Variants in OPCML observed in about 807,000 individuals in gnomAD.
The protein encoded by OPCML is opioid binding protein/cell adhesion molecule like.
Under a neutral mutation model 37.8 loss-of-function variants are expected in OPCML, and 13 were observed. The observed-to-expected ratio is 0.34, with a 90% confidence interval of 0.22 to 0.55. The LOEUF (loss-of-function observed/expected upper bound fraction) is 0.55, where lower values mean the gene tolerates loss of function less well. Among genes scored for constraint, OPCML ranks in the 20% least tolerant of loss-of-function variants. OPCML has a pLI of 0.91. For missense variants in OPCML, 341 were observed against 435.6 expected (o/e 0.78, Z 1.93); for synonymous variants, 176 against 168.8 (o/e 1.04, Z -0.33).
intron 3 of OPCML, among the ~76,000 whole-genome samples, chr11:132,566,048 T>TA (rs568988694): frequency 1.9e-4 from 29 of 151,716 alleles, no homozygotes; most frequent in East Asian, 5.8e-4. Context: ...CAGAACAAAA[T>TA]AAAAAAAACC....
rs1004710069 is a variant in OPCML at position 133,196,283 on chromosome 11, G to T, written c.62-253273C>A. Among the ~76,000 whole-genome samples, 4 of 152,196 alleles carry T rather than the reference G, an allele frequency of 2.6e-5. No individual in the cohort carries two copies. The South Asian group carries it at 8.3e-4, about 31-fold the overall frequency. ...TGTTATTAGTGGATTTCTCAAACAC[G>T]TTGGTGATTTTAATGTCAGTTTAAT... On this transcript the variant is annotated intron_variant, in intron 1 of 7. Coordinates refer to ENST00000524381, the MANE Select transcript of OPCML (RefSeq NM_001012393.5).
chr11:133,355,296 C>G (rs1455461678), intron 1 of OPCML, among the ~76,000 whole-genome samples: 2 of 152,192 alleles, frequency 1.3e-5, no homozygotes, highest in Non-Finnish European at 2.9e-5. Context: ...CCTAGCACTT[C>G]CTGTTTCTCA....
chr11:133,214,548 T>C (rs986647478), intron 1 of OPCML, among the ~76,000 whole-genome samples: 10 of 152,238 alleles, frequency 6.6e-5, no homozygotes, highest in African/African-American at 2.4e-4. Flanking sequence ...TTTTTCAGAC[T>C]GGTATTTTAA....
At chr11:133,039,259 G>T (rs886434329) in intron 1 of OPCML, among the ~76,000 whole-genome samples, 1 of 152,174 alleles carries the variant, frequency 6.6e-6, no homozygotes, top group Non-Finnish European at 1.5e-5. Flanking sequence ...TGCAGCAGGA[G>T]CCAACCTCCT....
intron 1 of OPCML, among the ~76,000 whole-genome samples, chr11:132,961,485 G>A (rs975970319): frequency 2.0e-5 from 3 of 152,192 alleles, no homozygotes; most frequent in Non-Finnish European, 4.4e-5. Flanking sequence ...GAAGAGTCAA[G>A]CGATGCTATT....
chr11:132,817,489 A>T (rs1269648627), intron 2 of OPCML, among the ~76,000 whole-genome samples: 1 of 152,130 alleles, frequency 6.6e-6, no homozygotes, highest in African/African-American at 2.4e-5. Context: ...AAAAATTTTT[A>T]AAGGGATGTG....
chr11:133,092,714 A>T (rs1447891460), intron 1 of OPCML, among the ~76,000 whole-genome samples: 1 of 152,184 alleles, frequency 6.6e-6, no homozygotes, highest in East Asian at 1.9e-4. Flanking sequence ...CAACAGAGTG[A>T]GACTGTCTCA....
intron 2 of OPCML, among the ~76,000 whole-genome samples, chr11:132,899,586 G>A (rs571390418): frequency 6.6e-6 from 1 of 152,248 alleles, no homozygotes; most frequent in Admixed American, 6.5e-5. Context: ...GCAAACAGGT[G>A]CCAAGTTGAC....
intron 2 of OPCML, among the ~76,000 whole-genome samples, chr11:132,710,748 A>G (rs1411238638): frequency 3.3e-5 from 5 of 151,930 alleles, no homozygotes. Flanking sequence ...CCAGCTACTC[A>G]GGAGGCTGAG....
chr11:132,660,447 G>T (rs1456281851), intron 2 of OPCML, among the ~76,000 whole-genome samples: 1 of 152,094 alleles, frequency 6.6e-6, no homozygotes, highest in African/African-American at 2.4e-5. Context: ...TCGCAAAGGG[G>T]TTTATAACAT....
chr11:133,283,441 T>G (rs1942215849), intron 1 of OPCML, among the ~76,000 whole-genome samples: 1 of 151,494 alleles, frequency 6.6e-6, no homozygotes, highest in South Asian at 2.1e-4. Flanking sequence ...CTTAGCTCTC[T>G]GCTGTGATTA....
intron 1 of OPCML, among the ~76,000 whole-genome samples, chr11:132,960,119 G>A (rs1028983646): frequency 6.6e-6 from 1 of 152,258 alleles, no homozygotes; most frequent in Middle Eastern, 3.4e-3. Flanking sequence ...TACTGCCACC[G>A]TTAATAACAA....
intron 3 of OPCML, among the ~76,000 whole-genome samples, chr11:132,644,254 C>T (rs932525865): frequency 1.3e-5 from 2 of 152,076 alleles, no homozygotes; most frequent in Non-Finnish European, 2.9e-5. Flanking sequence ...GCAGGCACCA[C>T]CACGATTTAG....
intron 7 of OPCML, among the ~76,000 whole-genome samples, chr11:132,433,845 A>C (rs576048382): frequency 6.6e-6 from 1 of 152,312 alleles, no homozygotes; most frequent in Non-Finnish European, 1.5e-5. Flanking sequence ...CACAGGAACC[A>C]CCTTGGCAGA....
rs71905540 is a variant in OPCML at position 132,638,163 on chromosome 11, C to CTATA, written c.379+18920_379+18923dup. 2.2e-4 allele frequency among the ~76,000 whole-genome samples: 28 copies of CTATA among 128,242 alleles called. No homozygotes were observed. The South Asian group carries it at 3.5e-3, about 16-fold the overall frequency. 84.1% of individuals were successfully genotyped at this position (128,242 alleles called of 152,430 possible). A position where few individuals can be genotyped will look rare whatever the true frequency, so the allele number is the denominator to read the frequency against. ...GAAAGCTAAAGAGCATATATACAGA[C>CTATA]TATATATATATATATATATATATAC... On this transcript the variant is annotated intron_variant, in intron 3 of 7. Coordinates refer to ENST00000524381, the MANE Select transcript of OPCML (RefSeq NM_001012393.5).
At chr11:132,822,156 G>C (rs1391569245) in intron 2 of OPCML, among the ~76,000 whole-genome samples, 1 of 152,066 alleles carries the variant, frequency 6.6e-6, no homozygotes, top group Non-Finnish European at 1.5e-5. Flanking sequence ...CTCCACTAGA[G>C]CTAAGACTAC....
chr11:133,191,296 T>A (rs908815013), intron 1 of OPCML, among the ~76,000 whole-genome samples: 6 of 152,196 alleles, frequency 3.9e-5, no homozygotes. Flanking sequence ...CTATTCAGAT[T>A]TTTTGCTCAC....
chr11:132,420,850 T>C (rs1294154369), intron 7 of OPCML, among the ~76,000 whole-genome samples: 6 of 151,926 alleles, frequency 3.9e-5, no homozygotes, highest in Admixed American at 1.3e-4. Context: ...TCCCCATGGG[T>C]TTTAAAGGCT....
At chr11:132,577,946 C>T (rs905701759) in intron 3 of OPCML, among the ~76,000 whole-genome samples, 30 of 152,042 alleles carry the variant, frequency 2.0e-4, no homozygotes, top group Non-Finnish European at 3.4e-4. Flanking sequence ...CAGTACATAA[C>T]AGGTGATAAA....
Sources: allele counts gnomAD v4.1 joint callset (sites outside exome capture counted in the v4.1 genomes callset), GRCh38; gene constraint gnomAD v4.1.1; transcripts MANE v1.5; gene names NCBI Gene and HGNC (gene_info 2026-07-23, HGNC 2026-07-21).